ZNF804B: variants seen among roughly 807,000 people sequenced by gnomAD.
The protein encoded by ZNF804B is zinc finger protein 804B.
Under a neutral mutation model 101.4 loss-of-function variants are expected in ZNF804B, and 80 were observed. The ratio of observed to expected loss-of-function variants is 0.79; its 90% CI spans 0.66 to 0.95. The LOEUF is 0.95. ZNF804B is among the 40% of genes least tolerant of loss of function. The probability of loss-of-function intolerance (pLI) is 0.00; values close to 1 mark genes in which losing one functional copy is unlikely to be tolerated. For missense variants in ZNF804B, 1,673 were observed against 1,561.9 expected (o/e 1.07, Z -1.20); for synonymous variants, 622 against 558.8 (o/e 1.11, Z -1.59).
chr7:88,764,773 A>G (rs1391193417), intron 1 of ZNF804B, among the ~76,000 whole-genome samples: 1 of 152,138 alleles, frequency 6.6e-6, no homozygotes, highest in East Asian at 1.9e-4. Flanking sequence ...TCTTAAAGTG[A>G]TGCACTTTTC....
intron 2 of ZNF804B, among the ~76,000 whole-genome samples, chr7:89,261,321 A>G (rs375638420): frequency 1.7e-4 from 26 of 152,296 alleles, no homozygotes; most frequent in African/African-American, 5.3e-4. Context: ...ACTAGTATAT[A>G]CATGTATTTT....
At chr7:88,931,283 GTAAA>G (rs1196103750) in intron 1 of ZNF804B, among the ~76,000 whole-genome samples, 1 of 151,884 alleles carries the variant, frequency 6.6e-6, no homozygotes, top group African/African-American at 2.4e-5. Context: ...TGATAGATAA[GTAAA>G]TAATTGGTAT....
At position 89,259,693 on chromosome 7, in the gene ZNF804B, A is replaced by G. The variant is rs1789682927; in HGVS notation, c.249+41398A>G. Among the ~76,000 whole-genome samples the G allele has an allele frequency of 4.6e-5, 7 of 152,198 alleles. No individual in the cohort carries two copies. The South Asian group carries it at 1.4e-3, about 31-fold the overall frequency. ...CTGGGTGCTAGGGGCATTGTCCAAT[A>G]GCAAAAGAATGTTAGAAAGGCAGTC... On this transcript the variant is annotated intron_variant, in intron 2 of 3. Coordinates refer to ENST00000333190, the MANE Select transcript of ZNF804B (RefSeq NM_181646.5).
intron 1 of ZNF804B, among the ~76,000 whole-genome samples, chr7:89,149,755 G>T (rs1249526156): frequency 6.6e-6 from 1 of 151,394 alleles, no homozygotes; most frequent in Admixed American, 6.6e-5. Flanking sequence ...AGCAAATGGT[G>T]ATCCCCATTT....
chr7:88,939,795 C>T (rs1793030356), intron 1 of ZNF804B, among the ~76,000 whole-genome samples: 1 of 151,088 alleles, frequency 6.6e-6, no homozygotes, highest in South Asian at 2.1e-4. Context: ...AAGCAAAAGA[C>T]ATTGCTAAAG....
chr7:89,117,631 C>G (rs960812512), intron 1 of ZNF804B, among the ~76,000 whole-genome samples: 12 of 149,710 alleles, frequency 8.0e-5, no homozygotes, highest in East Asian at 1.9e-4. Context: ...AATTGTGATG[C>G]CTTTTTAGCC....
At chr7:89,242,213 A>G (rs1789382672) in intron 2 of ZNF804B, among the ~76,000 whole-genome samples, 1 of 151,978 alleles carries the variant, frequency 6.6e-6, no homozygotes. Context: ...ACTGACACTC[A>G]ACTGTTAGAT....
chr7:89,171,353 T>TTCTTCTTCCTCC (rs1791228725), intron 1 of ZNF804B, among the ~76,000 whole-genome samples: 10 of 94,866 alleles, frequency 1.1e-4, no homozygotes, highest in African/African-American at 4.0e-4. Flanking sequence ...CTTCTTCTTC[T>TTCTTCTTCCTCC]TCTTCCTCCT....
chr7:89,014,554 G>T (rs1367749887), intron 1 of ZNF804B, among the ~76,000 whole-genome samples: 4 of 152,198 alleles, frequency 2.6e-5, no homozygotes, highest in Non-Finnish European at 5.9e-5. Flanking sequence ...CTGACCTTGT[G>T]ATCCACCCGC....
chr7:89,333,834 ACCAAG>A lies in ZNF804B; in HGVS notation c.856_860del (p.His287GlyfsTer13). On this transcript the variant is annotated frameshift_variant, in exon 4 of 4. Coordinates refer to ENST00000333190, the MANE Select transcript of ZNF804B (RefSeq NM_181646.5). LOFTEE classifies it high-confidence loss of function. ...CCAAGGAAAAAGAGGTAAATATCTC[ACCAAG>A]CCATCTGGAAAGTGTTTTACACAAT... 1 of 1,613,408 alleles carries A rather than the reference ACCAAG, an allele frequency of 6.2e-7. No homozygotes were observed. Among genetic ancestry groups the A allele is most frequent in the Non-Finnish European group, 8.5e-7 (1 of 1,179,694 alleles).
In ZNF804B at chr7:88,931,026, C is replaced by T. The variant is rs1423208265; in HGVS notation, c.108+170942C>T. 2.0e-5 allele frequency among the ~76,000 whole-genome samples: 3 copies of T among 151,888 alleles called. No individual in the cohort carries two copies. In the East Asian group the frequency reaches 5.8e-4, roughly 29 times the overall value. On this transcript the variant is annotated intron_variant, in intron 1 of 3. Transcript: ENST00000333190. ...GAATTGAACCATAACATTTATAATT[C>T]AGTAGTTTCTGCACACCTGTCTACT...
intron 1 of ZNF804B, among the ~76,000 whole-genome samples, chr7:88,826,429 T>C (rs899838901): frequency 2.6e-5 from 4 of 152,178 alleles, no homozygotes; most frequent in Non-Finnish European, 4.4e-5. Flanking sequence ...GAAAATGTTA[T>C]GATTCAGTTT....
At chr7:88,882,482 A>T (rs1792058645) in intron 1 of ZNF804B, among the ~76,000 whole-genome samples, 1 of 152,166 alleles carries the variant, frequency 6.6e-6, no homozygotes, top group African/African-American at 2.4e-5. Flanking sequence ...CAAAGAACTT[A>T]AAACAGAGCT....
chr7:89,049,226 C>A (rs1858816), intron 1 of ZNF804B, among the ~76,000 whole-genome samples: 70,205 of 151,654 alleles, frequency 0.46, 16,837 homozygotes, highest in Non-Finnish European at 0.52. Context: ...CATTGACAGG[C>A]CATGTGGGAG....
At chr7:88,809,422 C>T (rs1790747862) in intron 1 of ZNF804B, among the ~76,000 whole-genome samples, 1 of 152,050 alleles carries the variant, frequency 6.6e-6, no homozygotes, top group African/African-American at 2.4e-5. Context: ...TACCAACCTA[C>T]CTACCTATCT....
At chr7:89,083,426 G>A (rs1426361096) in intron 1 of ZNF804B, among the ~76,000 whole-genome samples, 1 of 151,240 alleles carries the variant, frequency 6.6e-6, no homozygotes, top group African/African-American at 2.4e-5. Flanking sequence ...TCATTTGGGG[G>A]AATGTCTATA....
At chr7:89,018,400 T>G (rs1244189401) in intron 1 of ZNF804B, among the ~76,000 whole-genome samples, 12 of 152,152 alleles carry the variant, frequency 7.9e-5, no homozygotes, top group Admixed American at 7.9e-4. Context: ...GACATGTTTT[T>G]GAATTCAATT....
intron 1 of ZNF804B, among the ~76,000 whole-genome samples, chr7:88,770,644 G>T (rs1350317401): frequency 2.0e-5 from 3 of 152,084 alleles, no homozygotes; most frequent in African/African-American, 7.2e-5. Flanking sequence ...TTATCAAGGT[G>T]ATTTCTTCTC....
chr7:88,885,522 C>T (rs1268110215), intron 1 of ZNF804B, among the ~76,000 whole-genome samples: 2 of 150,392 alleles, frequency 1.3e-5, no homozygotes, highest in Non-Finnish European at 3.0e-5. Context: ...TTATGTTTTC[C>T]CCTTGAATAG....
Sources: allele counts gnomAD v4.1 joint callset (sites outside exome capture counted in the v4.1 genomes callset), GRCh38; gene constraint gnomAD v4.1.1; transcripts MANE v1.5; gene names NCBI Gene and HGNC (gene_info 2026-07-23, HGNC 2026-07-21).